Variants in POMGNT2 observed in about 807,000 individuals in gnomAD.
POMGNT2 encodes the protein protein O-linked-mannose beta-1,4-N-acetylglucosaminyltransferase 2.
In POMGNT2, 32 loss-of-function variants were observed where a neutral mutation model predicts 37.8. The observed-to-expected ratio is 0.85, with a 90% CI of 0.64 to 1.14. POMGNT2 has a LOEUF of 1.14. POMGNT2 is among the 50% of genes most tolerant of loss of function. The pLI is 0.00. For synonymous variants in POMGNT2, 340 were observed against 336.8 expected (o/e 1.01, Z -0.10); for missense variants, 705 against 780.6 (o/e 0.90, Z 1.15).
In POMGNT2 at chr3:43,081,393, C is replaced by G. The variant is rs59831271; in HGVS notation, c.39G>C (p.Ser13=). ...GCTTCCACAGGACCGCTGCCAGCAC[C>G]GACACCAGGAGGGCGTTGAACACCG... ...LSAVFNALLV[S]VLAAVLWKHV... The change falls in exon 2 of 2, where the codon TCG becomes TCC. Residue 13 remains serine, a synonymous_variant. Coordinates refer to ENST00000344697, the MANE Select transcript of POMGNT2 (RefSeq NM_032806.6). 141 of 1,599,942 alleles carry G rather than the reference C, an allele frequency of 8.8e-5. 1 individual carries two copies. In the African/African-American group the frequency reaches 1.8e-3, roughly 21 times the overall value.
intron 1 of POMGNT2, among the ~76,000 whole-genome samples, chr3:43,099,301 C>G (rs748585566): frequency 4.6e-5 from 7 of 152,140 alleles, no homozygotes; most frequent in Non-Finnish European, 8.8e-5. Context: ...GTGTGCACAA[C>G]AAGAGATCAT....
At position 43,079,368 on chromosome 3, in the gene POMGNT2, G is replaced by A; in HGVS notation, c.*321C>T. 1 of 316,192 alleles carries A rather than the reference G, an allele frequency of 3.2e-6. No homozygotes were observed. Among genetic ancestry groups the A allele is most frequent in the Admixed American group, 4.6e-5 (1 of 21,706 alleles). 19.6% of individuals were successfully genotyped at this position (316,192 alleles called of 1,614,324 possible). ...TCGGTTTCCAGAAATCTGGATACCA[G>A]AAAAACTCAGTAGGAAACATCAGGA... On this transcript the variant is annotated 3_prime_UTR_variant, in exon 2 of 2. Transcript: ENST00000344697.
chr3:43,095,969 A>ATG (rs1208839857), intron 1 of POMGNT2, among the ~76,000 whole-genome samples: 2 of 152,202 alleles, frequency 1.3e-5, no homozygotes, highest in African/African-American at 4.8e-5. Context: ...TCATCAGGCT[A>ATG]TGGGGCAGGG....
At chr3:43,105,440 AC>A in intron 1 of POMGNT2, among the ~76,000 whole-genome samples, 1 of 144,990 alleles carries the variant, frequency 6.9e-6, no homozygotes, top group Non-Finnish European at 1.5e-5. Context: ...GCTCCCCACC[AC>A]CCCCGCCAAA....
intron 1 of POMGNT2, among the ~76,000 whole-genome samples, chr3:43,105,633 C>A (rs1372079346): frequency 6.6e-6 from 1 of 151,104 alleles, no homozygotes; most frequent in African/African-American, 2.4e-5. Context: ...GCCCACCTCC[C>A]GCGCCTCCCT....
intron 1 of POMGNT2, among the ~76,000 whole-genome samples, chr3:43,086,452 G>C (rs1559416714): frequency 2.0e-5 from 3 of 152,200 alleles, no homozygotes; most frequent in Non-Finnish European, 4.4e-5. Context: ...GCAACAGCTA[G>C]TATGAGTTAC....
chr3:43,091,657 A>C (rs546822902), intron 1 of POMGNT2, among the ~76,000 whole-genome samples: 1 of 152,346 alleles, frequency 6.6e-6, no homozygotes, highest in East Asian at 1.9e-4. Flanking sequence ...CAAAGGTAAA[A>C]ATAGAAACTA....
intron 1 of POMGNT2, among the ~76,000 whole-genome samples, chr3:43,101,793 A>G (rs1357537545): frequency 6.6e-6 from 1 of 152,186 alleles, no homozygotes; most frequent in Non-Finnish European, 1.5e-5. Context: ...CCTTTTGCTA[A>G]GATGATGCAT....
intron 1 of POMGNT2, among the ~76,000 whole-genome samples, chr3:43,091,536 C>G (rs56155208): frequency 2.8e-3 from 429 of 152,310 alleles, no homozygotes; most frequent in Non-Finnish European, 4.6e-3. Flanking sequence ...ACAGTAATAA[C>G]TGTTGCAGGC....
chr3:43,098,459 C>T lies in POMGNT2; in HGVS notation c.-106+7377G>A, dbSNP rs767811268. Among the ~76,000 whole-genome samples the T allele has an allele frequency of 1.7e-4, 26 of 152,196 alleles. No individual in the cohort carries two copies. Among genetic ancestry groups the T allele is most frequent in the South Asian group, 6.2e-4 (3 of 4,826 alleles). On this transcript the variant is annotated intron_variant, in intron 1 of 1. Transcript: ENST00000344697. This position sits in a 1 kb window ranked among gnomAD's most constrained non-coding sequence, Gnocchi z 4.3. ...ATTAACCTAATGCTATTGATAAATT[C>T]GGCATTTATAGATCAGGTTTTCTGA...
chr3:43,080,655 G>C lies in POMGNT2; in HGVS notation c.777C>G (p.Val259=). Residue 259 remains valine, a synonymous_variant, in exon 2 of 2, where the codon GTC becomes GTG. Transcript: ENST00000344697. ...CAAACTGCCGGATCTCATTGCCTGAGACGAGGATGTTGGCCTTCGGGCCCT... is the reference window on the plus strand; with the variant it reads ...CAAACTGCCGGATCTCATTGCCTGACACGAGGATGTTGGCCTTCGGGCCCT... ...QPQGPKANIL[V]SGNEIRQFAR... is the part of the protein sequence containing the mutation. The C allele has an allele frequency of 6.2e-7, 1 of 1,614,226 alleles. No individual in the cohort carries two copies. Among genetic ancestry groups the C allele is most frequent in the Non-Finnish European group, 8.5e-7 (1 of 1,180,042 alleles).
intron 1 of POMGNT2, among the ~76,000 whole-genome samples, chr3:43,088,663 G>A (rs775862394): frequency 5.3e-5 from 8 of 152,152 alleles, no homozygotes; most frequent in Admixed American, 1.3e-4. Flanking sequence ...ATGAGGTGTC[G>A]CATGCCATGT....
chr3:43,089,456 G>C lies in POMGNT2; in HGVS notation c.-105-7920C>G, dbSNP rs148725357. Among the ~76,000 whole-genome samples, 19 of 152,330 alleles carry C rather than the reference G, an allele frequency of 1.2e-4. No homozygotes were observed. In the East Asian group the frequency reaches 3.3e-3, roughly 26 times the overall value. On this transcript the variant is annotated intron_variant, in intron 1 of 1. Coordinates refer to ENST00000344697, the MANE Select transcript of POMGNT2 (RefSeq NM_032806.6). ...AAACTTAGAAAAATCAGCTGAGGGT[G>C]TGATGCCAGATCAAGGAGTTTGAAC...
chr3:43,101,134 T>C (rs1258098342), intron 1 of POMGNT2, among the ~76,000 whole-genome samples: 1 of 152,118 alleles, frequency 6.6e-6, no homozygotes, highest in African/African-American at 2.4e-5. Flanking sequence ...TGGACACACA[T>C]GCATGATGGT....
chr3:43,104,401 A>G (rs1264982573), intron 1 of POMGNT2, among the ~76,000 whole-genome samples: 1 of 152,232 alleles, frequency 6.6e-6, no homozygotes, highest in East Asian at 1.9e-4. Context: ...TTATTGCTAA[A>G]TATTTTCTAA....
rs1231672098 is a variant in POMGNT2, at chr3:43,098,588, A to G, written c.-106+7248T>C. Among the ~76,000 whole-genome samples the G allele has an allele frequency of 6.6e-6, 1 of 152,204 alleles. No homozygotes were observed. Among genetic ancestry groups the G allele is most frequent in the East Asian group, 1.9e-4 (1 of 5,196 alleles). On this transcript the variant is annotated intron_variant, in intron 1 of 1. Coordinates refer to ENST00000344697, the MANE Select transcript of POMGNT2 (RefSeq NM_032806.6). The surrounding 1 kb of genome is among the most constrained non-coding windows in gnomAD (Gnocchi z 4.3). ...ATATTTAACATTTAGTTAAGGGCTC[A>G]CTTTCTTAGATTAAAACTTTGACAT...
At chr3:43,084,989 G>C (rs1011884356) in intron 1 of POMGNT2, among the ~76,000 whole-genome samples, 1 of 151,892 alleles carries the variant, frequency 6.6e-6, no homozygotes, top group African/African-American at 2.4e-5. Context: ...TGTACTGGTG[G>C]GGGAAAGGAG....
intron 1 of POMGNT2, among the ~76,000 whole-genome samples, chr3:43,085,784 A>C (rs2089893599): frequency 6.6e-6 from 1 of 152,064 alleles, no homozygotes; most frequent in African/African-American, 2.4e-5. Flanking sequence ...AAGTTTTGCT[A>C]AACTGTTCCT....
At chr3:43,099,442 C>T (rs546882625) in intron 1 of POMGNT2, among the ~76,000 whole-genome samples, 1 of 152,326 alleles carries the variant, frequency 6.6e-6, no homozygotes, top group East Asian at 1.9e-4. Context: ...TGCTACAAAT[C>T]TGTCTGCAGC....
Sources: gnomAD v4.1 joint callset for allele counts (sites outside exome capture counted in the v4.1 genomes callset) on GRCh38, gnomAD v4.1.1 for gene constraint, Gnocchi (gnomAD v3.1) non-coding constraint, MANE v1.5 for transcripts, NCBI Gene and HGNC (gene_info 2026-07-23, HGNC 2026-07-21) for gene names.